The following PITPNC1 variants were observed in gnomAD, a reference collection of about 807,000 sequenced individuals.
The protein encoded by PITPNC1 is cytoplasmic phosphatidylinositol transfer protein 1.
PITPNC1 carries 18 observed loss-of-function variants against 44.7 expected under a neutral mutation model. The ratio of observed to expected loss-of-function variants is 0.40; its 90% CI spans 0.28 to 0.60. PITPNC1 has a LOEUF of 0.60. Ranked by LOEUF, PITPNC1 falls within the 20% of genes least tolerant of loss-of-function variation. PITPNC1 has a pLI of 0.39. For missense variants in PITPNC1, 290 were observed against 418.4 expected (o/e 0.69, Z 2.68); for synonymous variants, 141 against 149.6 (o/e 0.94, Z 0.42).
chr17:67,416,527 A>G (rs1317045978), intron 1 of PITPNC1, among the ~76,000 whole-genome samples: 2 of 151,454 alleles, frequency 1.3e-5, no homozygotes, highest in Non-Finnish European at 2.9e-5. Context: ...ATGTATTGCT[A>G]TTTTATTTAC....
At chr17:67,617,503 C>T (rs528066973) in intron 5 of PITPNC1, among the ~76,000 whole-genome samples, 1 of 152,200 alleles carries the variant, frequency 6.6e-6, no homozygotes, top group South Asian at 2.1e-4. Flanking sequence ...GACTCTGTCT[C>T]AAAACAAACA....
chr17:67,506,348 T>C (rs1448858055), intron 1 of PITPNC1, among the ~76,000 whole-genome samples: 2 of 151,960 alleles, frequency 1.3e-5, no homozygotes, highest in Non-Finnish European at 2.9e-5. Flanking sequence ...TAAGATATTG[T>C]TTTTAGTTTA....
At chr17:67,653,540 T>TTTGTTG (rs147859807) in intron 6 of PITPNC1, among the ~76,000 whole-genome samples, 1 of 152,064 alleles carries the variant, frequency 6.6e-6, no homozygotes, top group Non-Finnish European at 1.5e-5. Context: ...TGATTATCTT[T>TTTGTTG]TTGTTGTTGT....
rs2144136974 is a variant in PITPNC1, at chr17:67,537,593, A to G, written c.197+4643A>G. Among the ~76,000 whole-genome samples the G allele has an allele frequency of 3.3e-5, 5 of 152,342 alleles. 1 individual carries two copies. The highest frequency in any genetic ancestry group is 3.3e-4 in the Admixed American group (5 of 15,302). The stretch of plus-strand genomic sequence containing the variant: ...AACATACCATATTCATGGACGGGAA[A>G]TGTTACAAAGTTGGCATCAAATCTC... On this transcript the variant is annotated intron_variant, in intron 2 of 8. Transcript: ENST00000581322.
chr17:67,530,085 CTTTTTTT>C (rs796278390), intron 1 of PITPNC1, among the ~76,000 whole-genome samples: 1 of 71,226 alleles, frequency 1.4e-5, no homozygotes, highest in African/African-American at 5.8e-5. Context: ...CAACCCTTGG[CTTTTTTT>C]TTTTTTTTTT....
intron 1 of PITPNC1, among the ~76,000 whole-genome samples, chr17:67,521,875 G>T (rs2040329603): frequency 6.6e-6 from 1 of 152,172 alleles, no homozygotes. Context: ...ATTGAGACCG[G>T]ATCAGAACTC....
chr17:67,450,747 A>T (rs8076638), intron 1 of PITPNC1, among the ~76,000 whole-genome samples: 2,692 of 152,224 alleles, frequency 0.018, 79 homozygotes, highest in African/African-American at 0.061. Flanking sequence ...TAAATTGTAC[A>T]ATTTAGTGGC....
At chr17:67,416,643 G>A (rs908726125) in intron 1 of PITPNC1, among the ~76,000 whole-genome samples, 1 of 152,164 alleles carries the variant, frequency 6.6e-6, no homozygotes, top group Non-Finnish European at 1.5e-5. Flanking sequence ...GTGCAGGGAT[G>A]CTGTTGCACT....
At chr17:67,467,944 G>A (rs370006513) in intron 1 of PITPNC1, among the ~76,000 whole-genome samples, 1 of 152,220 alleles carries the variant, frequency 6.6e-6, no homozygotes, top group Non-Finnish European at 1.5e-5. Flanking sequence ...TGCATGTCTT[G>A]TATTTCATGC....
chr17:67,447,172 G>A (rs774905681), intron 1 of PITPNC1, among the ~76,000 whole-genome samples: 3 of 149,944 alleles, frequency 2.0e-5, no homozygotes, highest in Admixed American at 6.7e-5. Flanking sequence ...CTAAGGAATC[G>A]GAGAGTGGCC....
chr17:67,556,723 C>T (rs1429499207), intron 4 of PITPNC1, among the ~76,000 whole-genome samples: 26 of 152,164 alleles, frequency 1.7e-4, no homozygotes, highest in Admixed American at 1.7e-3. Flanking sequence ...AGGTCTGAGA[C>T]TAACAGTCAA....
intron 2 of PITPNC1, among the ~76,000 whole-genome samples, chr17:67,541,851 G>A (rs1434456934): frequency 1.3e-5 from 2 of 152,214 alleles, no homozygotes; most frequent in East Asian, 3.8e-4. Flanking sequence ...CCAGTGGGTA[G>A]GAATGCCAGG....
chr17:67,468,597 G>A (rs1194928021), intron 1 of PITPNC1, among the ~76,000 whole-genome samples: 2 of 151,020 alleles, frequency 1.3e-5, no homozygotes, highest in Admixed American at 6.6e-5. Flanking sequence ...TAGAGACGGG[G>A]TTTCACCGTG....
chr17:67,451,678 G>A (rs532995376), intron 1 of PITPNC1, among the ~76,000 whole-genome samples: 2 of 146,474 alleles, frequency 1.4e-5, no homozygotes, highest in South Asian at 2.1e-4. Context: ...TCGCTCTGTC[G>A]CCCAGGCTGG....
Position 67,555,712 on chromosome 17 carries a change from C to T in PITPNC1, c.294+2095C>T, listed in dbSNP as rs901454539. On this transcript the variant is annotated intron_variant, in intron 4 of 8. Transcript: ENST00000581322. ...AAAAAAAGGTAGTTGGGTGTGGTGG[C>T]GGGCGCCTATAATCCCAGCTACTTG... Among the ~76,000 whole-genome samples the T allele has an allele frequency of 1.3e-4, 20 of 148,712 alleles. No individual in the cohort carries two copies. In the East Asian group the frequency reaches 2.9e-3, roughly 22 times the overall value.
chr17:67,486,913 A>G (rs570158839), intron 1 of PITPNC1, among the ~76,000 whole-genome samples: 29 of 152,044 alleles, frequency 1.9e-4, no homozygotes, highest in South Asian at 2.1e-4. Context: ...CATGTCTGTA[A>G]TCCCAGCTAC....
intron 5 of PITPNC1, chr17:67,611,975 C>T (rs1293803923): frequency 6.6e-6 from 1 of 152,182 alleles, no homozygotes; most frequent in Non-Finnish European, 1.5e-5. Context: ...GCAATTCCAT[C>T]AGGGAGATAG....
chr17:67,617,462 C>T (rs2144305587), intron 5 of PITPNC1, among the ~76,000 whole-genome samples: 1 of 152,304 alleles, frequency 6.6e-6, no homozygotes, highest in Non-Finnish European at 1.5e-5. Context: ...TGAGATTGCA[C>T]CACTGCACTC....
At chr17:67,406,546 T>C (rs1459507277) in intron 1 of PITPNC1, among the ~76,000 whole-genome samples, 1 of 151,976 alleles carries the variant, frequency 6.6e-6, no homozygotes, top group Non-Finnish European at 1.5e-5. Flanking sequence ...AAGCAGTAAG[T>C]ACTTCATTCC....
Sources: gnomAD v4.1 joint callset for allele counts (sites outside exome capture counted in the v4.1 genomes callset) on GRCh38, gnomAD v4.1.1 for gene constraint, MANE v1.5 for transcripts, NCBI Gene and HGNC (gene_info 2026-07-23, HGNC 2026-07-21) for gene names.